LRRIQ3: variants seen among roughly 807,000 people sequenced by gnomAD.
The protein encoded by LRRIQ3 is leucine-rich repeat and IQ domain-containing protein 3.
A neutral mutation model predicts 59.3 loss-of-function variants in LRRIQ3; 75 were observed. The ratio of observed to expected loss-of-function variants is 1.26; its 90% CI spans 1.05 to 1.53. The LOEUF is 1.53. Among genes scored for constraint, LRRIQ3 ranks in the 40% most tolerant of loss-of-function variants. The pLI is 0.00. For synonymous variants in LRRIQ3, 250 were observed against 231.3 expected, an observed-to-expected ratio of 1.08 and a Z score of -0.73; for missense variants, 831 against 710.0, an observed-to-expected ratio of 1.17 and a Z score of -1.94.
intron 5 of LRRIQ3, among the ~76,000 whole-genome samples, chr1:74,103,787 T>TCC (rs545705860): frequency 3.6e-4 from 48 of 134,850 alleles, no homozygotes; most frequent in South Asian, 9.6e-4. Context: ...CCTCTGTCCT[T>TCC]CCCCCCCCCG....
intron 7 of LRRIQ3, among the ~76,000 whole-genome samples, chr1:74,036,148 G>T (rs1653865971): frequency 6.6e-6 from 1 of 152,050 alleles, no homozygotes; most frequent in Non-Finnish European, 1.5e-5. Context: ...AAAAAATGCT[G>T]CCCCCAAATA....
At chr1:74,074,935 G>T in intron 5 of LRRIQ3, 145 bp from the exon 6 acceptor site, 1 of 365,820 alleles carries the variant, frequency 2.7e-6, no homozygotes, top group East Asian at 4.6e-5. Flanking sequence ...GCAGGGTTAA[G>T]AAAAAAATTT....
intron 4 of LRRIQ3, among the ~76,000 whole-genome samples, chr1:74,114,489 C>A (rs1029775965): frequency 1.3e-5 from 2 of 152,046 alleles, no homozygotes; most frequent in African/African-American, 4.8e-5. Flanking sequence ...GTAATCCCAG[C>A]ACTTTGGGAG....
At position 74,110,056 on chromosome 1, in the gene LRRIQ3, TA is replaced by T. The variant is rs573166471; in HGVS notation, c.708-504del. On this transcript the variant is annotated intron_variant, in intron 4 of 7. Transcript: ENST00000354431. ...ATTTTAAGTTTTTGATTAGCCACAC[TA>T]AAAAAAAAGTTTAAAAAACAGGTAA... 1.3e-3 allele frequency among the ~76,000 whole-genome samples: 199 copies of T among 150,686 alleles called. 1 individual carries two copies. Among genetic ancestry groups the T allele is most frequent in the African/African-American group, 4.4e-3 (183 of 41,236 alleles).
chr1:74,187,587 GA>G (rs1242309419), intron 1 of LRRIQ3, among the ~76,000 whole-genome samples: 1 of 152,116 alleles, frequency 6.6e-6, no homozygotes, highest in Non-Finnish European at 1.5e-5. Flanking sequence ...ACTCAAGGGT[GA>G]AGGTTGGGAG....
chr1:74,139,094 G>A (rs796089412), intron 4 of LRRIQ3, among the ~76,000 whole-genome samples: 69 of 147,650 alleles, frequency 4.7e-4, no homozygotes, highest in African/African-American at 6.5e-4. Context: ...ATGTGTGTGT[G>A]TATATATATA....
intron 4 of LRRIQ3, among the ~76,000 whole-genome samples, chr1:74,147,049 G>A (rs963945670): frequency 2.6e-5 from 4 of 152,060 alleles, no homozygotes; most frequent in Admixed American, 6.6e-5. Context: ...GCAACATTGC[G>A]AAACTCCATC....
At chr1:74,036,382 C>A (rs988140536) in intron 7 of LRRIQ3, among the ~76,000 whole-genome samples, 1 of 152,126 alleles carries the variant, frequency 6.6e-6, no homozygotes, top group African/African-American at 2.4e-5. Context: ...TTAGGTCATA[C>A]CCTTTTCTTT....
intron 6 of LRRIQ3, 125 bp downstream of exon 6, chr1:74,074,536 T>G: frequency 2.7e-6 from 1 of 371,800 alleles, no homozygotes; most frequent in East Asian, 5.3e-5. Context: ...TCTAGAAGTC[T>G]CAACATATAT....
At chr1:74,114,014 T>C (rs1356244323) in intron 4 of LRRIQ3, among the ~76,000 whole-genome samples, 1 of 151,718 alleles carries the variant, frequency 6.6e-6, no homozygotes, top group Non-Finnish European at 1.5e-5. Context: ...TATCATTTTA[T>C]GTGTATATTG....
At chr1:74,174,547 T>G (rs1236654186) in intron 3 of LRRIQ3, among the ~76,000 whole-genome samples, 1 of 45,078 alleles carries the variant, frequency 2.2e-5, no homozygotes, top group Admixed American at 2.4e-4. Context: ...CATGCCTGGC[T>G]ATTTTTTTTT....
chr1:74,056,266 T>C (rs1654534024), intron 6 of LRRIQ3, among the ~76,000 whole-genome samples: 1 of 152,046 alleles, frequency 6.6e-6, no homozygotes, highest in African/African-American at 2.4e-5. Flanking sequence ...GCTCATATCA[T>C]ACACAATGGG....
chr1:74,042,247 T>C (rs1216857184), intron 6 of LRRIQ3, among the ~76,000 whole-genome samples: 1 of 152,092 alleles, frequency 6.6e-6, no homozygotes, highest in Non-Finnish European at 1.5e-5. Flanking sequence ...ACACATATTA[T>C]TTTTTCATAT....
intron 5 of LRRIQ3, among the ~76,000 whole-genome samples, chr1:74,091,376 T>C (rs1053820955): frequency 1.3e-5 from 2 of 152,052 alleles, no homozygotes; most frequent in South Asian, 2.1e-4. Flanking sequence ...ATATTTCAAA[T>C]ACAATGAGCA....
intron 5 of LRRIQ3, among the ~76,000 whole-genome samples, chr1:74,087,658 T>G (rs1194080246): frequency 2.0e-5 from 3 of 152,110 alleles, no homozygotes; most frequent in Non-Finnish European, 4.4e-5. Context: ...ATATCTGTAT[T>G]GATACTTATA....
At chr1:74,174,678 G>C (rs530178039) in intron 3 of LRRIQ3, among the ~76,000 whole-genome samples, 6 of 151,994 alleles carry the variant, frequency 3.9e-5, no homozygotes, top group African/African-American at 1.4e-4. Flanking sequence ...ACAGGCATGA[G>C]TCACTGCACC....
chr1:74,089,721 G>A (rs1443172952), intron 5 of LRRIQ3, among the ~76,000 whole-genome samples: 1 of 151,846 alleles, frequency 6.6e-6, no homozygotes, highest in East Asian at 1.9e-4. Flanking sequence ...TTTCTTCTGG[G>A]GAATAATGAA....
At chr1:74,031,379 T>C (rs1420388999) in intron 7 of LRRIQ3, among the ~76,000 whole-genome samples, 7 of 152,036 alleles carry the variant, frequency 4.6e-5, no homozygotes, top group Admixed American at 4.6e-4. Flanking sequence ...CCAACAATGA[T>C]AGACTGGATT....
chr1:74,167,596 G>A (rs751906804), intron 3 of LRRIQ3, among the ~76,000 whole-genome samples: 23 of 151,560 alleles, frequency 1.5e-4, no homozygotes, highest in Admixed American at 3.3e-4. Context: ...ATGGACTTTG[G>A]GGACTTGGGG....
Sources: allele counts gnomAD v4.1 joint callset (sites outside exome capture counted in the v4.1 genomes callset), GRCh38; gene constraint gnomAD v4.1.1; transcripts MANE v1.5; gene names NCBI Gene and HGNC (gene_info 2026-07-23, HGNC 2026-07-21).